The following CHL1 variants were observed in gnomAD, a reference collection of about 807,000 sequenced individuals.
CHL1 encodes the protein cell adhesion molecule L1 like, also known as neural cell adhesion molecule L1-like protein.
Under a neutral mutation model 141.9 loss-of-function variants are expected in CHL1, and 96 were observed. The ratio of observed to expected loss-of-function variants is 0.68; its 90% CI spans 0.57 to 0.80. The LOEUF (loss-of-function observed/expected upper bound fraction) is 0.80, where lower values mean the gene tolerates loss of function less well. Ranked by LOEUF, CHL1 falls within the 30% of genes least tolerant of loss-of-function variation. The pLI, the probability that CHL1 is intolerant of heterozygous loss-of-function variation, is 0.00. For synonymous variants in CHL1, 613 were observed against 502.2 expected (o/e 1.22, Z -2.95); for missense variants, 1,820 against 1,457.2 (o/e 1.25, Z -4.05).
At chr3:398,973 A>T (rs372147619) in intron 25 of CHL1, 44 bp from the exon 26 acceptor site, 5 of 1,587,984 alleles carry the variant, frequency 3.1e-6, no homozygotes, top group East Asian at 4.5e-5. Flanking sequence ...AATACAAAAG[A>T]CTGTTTCTAG....
At chr3:374,823 C>A (rs58866268) in intron 15 of CHL1, among the ~76,000 whole-genome samples, 1 of 152,102 alleles carries the variant, frequency 6.6e-6, no homozygotes, top group Non-Finnish European at 1.5e-5. Context: ...ATATCAGTAA[C>A]CTCATACTTC....
At chr3:283,146 A>G (rs1183108819) in intron 2 of CHL1, among the ~76,000 whole-genome samples, 2 of 152,222 alleles carry the variant, frequency 1.3e-5, no homozygotes, top group East Asian at 3.8e-4. Flanking sequence ...CTTTCATTTG[A>G]AAAAGATATT....
chr3:263,317 G>A (rs529763942), intron 2 of CHL1, among the ~76,000 whole-genome samples: 3 of 151,784 alleles, frequency 2.0e-5, no homozygotes, highest in Non-Finnish European at 4.4e-5. Context: ...AGCTCTTAGA[G>A]TAGTTAATCC....
chr3:205,086 C>G (rs1019664257), intron 1 of CHL1, among the ~76,000 whole-genome samples: 4 of 123,928 alleles, frequency 3.2e-5, no homozygotes, highest in Non-Finnish European at 5.2e-5. Context: ...TTTCTTTTTC[C>G]TTTTTCTTTC....
chr3:365,087 C>T (rs560222230), intron 14 of CHL1, among the ~76,000 whole-genome samples: 5 of 152,158 alleles, frequency 3.3e-5, no homozygotes, highest in Non-Finnish European at 5.9e-5. Context: ...TTAGCCAGTT[C>T]CTTGAGAAAA....
chr3:284,833 A>G (rs1452965494), intron 2 of CHL1, among the ~76,000 whole-genome samples: 1 of 152,068 alleles, frequency 6.6e-6, no homozygotes, highest in Non-Finnish European at 1.5e-5. Context: ...GGATAATTAT[A>G]TATAGCTGTG....
At chr3:284,532 T>G (rs1696956971) in intron 2 of CHL1, among the ~76,000 whole-genome samples, 1 of 152,224 alleles carries the variant, frequency 6.6e-6, no homozygotes, top group Non-Finnish European at 1.5e-5. Context: ...GTAAAGGCGT[T>G]GTTTTATGAC....
At chr3:225,995 T>A (rs1278759934) in intron 1 of CHL1, among the ~76,000 whole-genome samples, 1 of 150,120 alleles carries the variant, frequency 6.7e-6, no homozygotes, top group Admixed American at 6.6e-5. Flanking sequence ...GGAGACAGAA[T>A]GAGACTCTGT....
At chr3:299,728 G>A (rs1444894459) in intron 2 of CHL1, among the ~76,000 whole-genome samples, 1 of 152,106 alleles carries the variant, frequency 6.6e-6, no homozygotes, top group Non-Finnish European at 1.5e-5. Flanking sequence ...AGGCTTCGAA[G>A]CTTGCACATT....
intron 9 of CHL1, among the ~76,000 whole-genome samples, chr3:347,798 T>G (rs913382740): frequency 2.0e-5 from 3 of 152,234 alleles, no homozygotes; most frequent in Non-Finnish European, 4.4e-5. Context: ...CTCACAGCTG[T>G]CTGCCCAGGC....
rs1709526655 is a variant in CHL1, at chr3:406,276, T to C, written c.*565T>C. ...GTCTTAGGTGAACAATCAACTAGTATTTGTTGAGCTCCTATTTGCCCAGAG... is the reference window on the plus strand; with the variant it reads ...GTCTTAGGTGAACAATCAACTAGTACTTGTTGAGCTCCTATTTGCCCAGAG... On this transcript the variant is annotated 3_prime_UTR_variant, in exon 28 of 28. Coordinates refer to ENST00000256509, the MANE Select transcript of CHL1 (RefSeq NM_006614.4). The C allele has an allele frequency of 6.6e-6, 1 of 152,238 alleles. No homozygotes were observed. The highest frequency in any genetic ancestry group is 2.4e-5 in the African/African-American group (1 of 41,452). The allele number at this position is 152,238 out of a possible 1,614,324, so 9.4% of individuals were successfully genotyped here.
chr3:231,646 T>C (rs1165246761), intron 1 of CHL1, among the ~76,000 whole-genome samples: 1 of 144,826 alleles, frequency 6.9e-6, no homozygotes, highest in Non-Finnish European at 1.5e-5. Context: ...GGCACAATCC[T>C]GGTTTATTGC....
intron 2 of CHL1, among the ~76,000 whole-genome samples, chr3:256,807 T>G (rs566332459): frequency 6.6e-6 from 1 of 152,318 alleles, no homozygotes; most frequent in Non-Finnish European, 1.5e-5. Flanking sequence ...ATGCAGTAGT[T>G]GCTAAATATG....
intron 1 of CHL1, chr3:197,574 C>T (rs1297011788): frequency 5.9e-6 from 2 of 338,832 alleles, no homozygotes; most frequent in African/African-American, 2.2e-5. Flanking sequence ...CAGACCCCCC[C>T]AGTCCACTGC....
intron 2 of CHL1, among the ~76,000 whole-genome samples, chr3:277,790 A>G (rs1696284468): frequency 6.6e-6 from 1 of 152,230 alleles, no homozygotes; most frequent in Non-Finnish European, 1.5e-5. Context: ...TATTGGAAAG[A>G]GAATCAACTC....
chr3:337,270 A>G (rs1701955329), intron 5 of CHL1, among the ~76,000 whole-genome samples: 2 of 146,800 alleles, frequency 1.4e-5, no homozygotes, highest in South Asian at 2.1e-4. Flanking sequence ...TGCTCACTGC[A>G]AGCTCCGCCT....
At chr3:366,242 G>A (rs1200325831) in intron 15 of CHL1, 127 bp downstream of exon 15, 19 of 819,338 alleles carry the variant, frequency 2.3e-5, no homozygotes, top group Non-Finnish European at 3.3e-5. Flanking sequence ...AGACCGAGGC[G>A]AGTGGATCAC....
intron 5 of CHL1, among the ~76,000 whole-genome samples, chr3:337,812 G>T (rs1383159004): frequency 6.6e-6 from 1 of 152,124 alleles, no homozygotes; most frequent in African/African-American, 2.4e-5. Context: ...TTACTATTGT[G>T]AATAGTGACA....
chr3:362,729 T>C (rs1261788786), intron 13 of CHL1, among the ~76,000 whole-genome samples: 1 of 152,106 alleles, frequency 6.6e-6, no homozygotes, highest in Admixed American at 6.6e-5. Flanking sequence ...AGGAAATGGC[T>C]CTGGGGTTGA....
Sources: gnomAD v4.1 joint callset for allele counts (sites outside exome capture counted in the v4.1 genomes callset) on GRCh38, gnomAD v4.1.1 for gene constraint, MANE v1.5 for transcripts, NCBI Gene and HGNC (gene_info 2026-07-23, HGNC 2026-07-21) for gene names.